The following TMEM135 variants were observed in gnomAD, a reference collection of about 807,000 sequenced individuals.
The protein encoded by TMEM135 is transmembrane protein 135, also known as peroxisomal membrane protein 52.
In TMEM135, 30 loss-of-function variants were observed where a neutral mutation model predicts 60.3. That is an observed-to-expected ratio of 0.50 (90% CI 0.37 to 0.68). TMEM135 has a LOEUF of 0.68. Ranked by LOEUF, TMEM135 falls within the 30% of genes least tolerant of loss-of-function variation. The pLI is 0.00. For missense variants in TMEM135, 468 were observed against 548.8 expected (o/e 0.85, Z 1.47); for synonymous variants, 190 against 186.7 (o/e 1.02, Z -0.14).
chr11:87,320,767 A>G (rs1184497979), intron 14 of TMEM135, among the ~76,000 whole-genome samples: 1 of 152,196 alleles, frequency 6.6e-6, no homozygotes, highest in Non-Finnish European at 1.5e-5. Flanking sequence ...ATGGTGAGAC[A>G]TTATGATGTC....
At chr11:87,053,158 C>A in intron 1 of TMEM135, among the ~76,000 whole-genome samples, 1 of 93,914 alleles carries the variant, frequency 1.1e-5, no homozygotes. Context: ...ACTCTGGGGA[C>A]TGTGGTGGGG....
rs368128077 is a variant in TMEM135 at position 87,325,020 on chromosome 11, A to G, written c.*3687A>G. 254 of 453,972 alleles carry G rather than the reference A, an allele frequency of 5.6e-4. No homozygotes were observed. The highest frequency in any genetic ancestry group is 4.9e-3 in the African/African-American group (243 of 50,080). The allele number at this position is 453,972 out of a possible 1,614,324, so 28.1% of individuals were successfully genotyped here. ...CTTCATTGTGGAGGTGATGTTTACA[A>G]TTGCCTCCAGCCCTTTACTATTGGT... On this transcript the variant is annotated 3_prime_UTR_variant, in exon 15 of 15. Coordinates refer to ENST00000305494, the MANE Select transcript of TMEM135 (RefSeq NM_022918.4).
At chr11:87,148,987 A>G (rs1026189357) in intron 4 of TMEM135, among the ~76,000 whole-genome samples, 29 of 152,048 alleles carry the variant, frequency 1.9e-4, no homozygotes, top group African/African-American at 6.8e-4. Flanking sequence ...TTTGCTTTAA[A>G]CGTTTTAAAA....
In TMEM135 at chr11:87,038,045, C is replaced by T. The variant is rs1312956657; in HGVS notation, c.-1C>T. On this transcript the variant is annotated 5_prime_UTR_variant, in exon 1 of 15. Transcript: ENST00000305494. Reference sequence around the variant, plus strand: ...CTGTCTTCTCCGCGCTGTTCCTCGTCATGGCGGCCCTCAGCAAGTCCATCC... The same window carrying T: ...CTGTCTTCTCCGCGCTGTTCCTCGTTATGGCGGCCCTCAGCAAGTCCATCC... 1.2e-6 allele frequency: 2 copies of T among 1,614,106 alleles called. No individual in the cohort carries two copies. Among genetic ancestry groups the T allele is most frequent in the Admixed American group, 1.7e-5 (1 of 60,032 alleles).
chr11:87,259,293 G>C (rs776893429), intron 6 of TMEM135: 2 of 361,006 alleles, frequency 5.5e-6, no homozygotes, highest in Non-Finnish European at 1.1e-5. Flanking sequence ...TGGAAAAAAA[G>C]GATAGGGAAA....
chr11:87,305,638 G>A (rs1003987015), intron 8 of TMEM135, among the ~76,000 whole-genome samples: 2 of 152,106 alleles, frequency 1.3e-5, no homozygotes, highest in African/African-American at 4.8e-5. Flanking sequence ...GCTGGGCGTG[G>A]TGGCAGGCGC....
At chr11:87,308,668 T>C (rs1297321926) in intron 9 of TMEM135, among the ~76,000 whole-genome samples, 1 of 152,176 alleles carries the variant, frequency 6.6e-6, no homozygotes, top group East Asian at 1.9e-4. Flanking sequence ...CAGAAAGTAC[T>C]ATTCTTTTTG....
At chr11:87,054,999 G>A (rs890796647) in intron 1 of TMEM135, among the ~76,000 whole-genome samples, 1 of 152,104 alleles carries the variant, frequency 6.6e-6, no homozygotes, top group Admixed American at 6.5e-5. Context: ...CAATGAGTAA[G>A]AAATACTGGA....
intron 5 of TMEM135, among the ~76,000 whole-genome samples, chr11:87,210,932 G>A (rs1391793826): frequency 6.6e-6 from 1 of 152,098 alleles, no homozygotes; most frequent in Non-Finnish European, 1.5e-5. Context: ...AAAGGCCTTT[G>A]ATAAAATACA....
intron 6 of TMEM135, among the ~76,000 whole-genome samples, chr11:87,289,304 A>T (rs1045653965): frequency 6.6e-6 from 1 of 152,094 alleles, no homozygotes; most frequent in Non-Finnish European, 1.5e-5. Flanking sequence ...GGGAATATTC[A>T]ATATTCTCCT....
intron 3 of TMEM135, among the ~76,000 whole-genome samples, chr11:87,079,825 CTTT>C (rs1856949050): frequency 7.0e-6 from 1 of 142,340 alleles, no homozygotes; most frequent in Admixed American, 7.4e-5. Flanking sequence ...GATCTTTTTT[CTTT>C]TTTTCTTTTC....
intron 4 of TMEM135, among the ~76,000 whole-genome samples, chr11:87,104,699 T>G (rs1020787608): frequency 6.6e-6 from 1 of 152,214 alleles, no homozygotes; most frequent in East Asian, 1.9e-4. Context: ...TGGGATTTTT[T>G]TCTTAATTTA....
intron 6 of TMEM135, among the ~76,000 whole-genome samples, chr11:87,280,806 G>A (rs1942048031): frequency 6.6e-6 from 1 of 152,138 alleles, no homozygotes; most frequent in Non-Finnish European, 1.5e-5. Flanking sequence ...ACTTAACTGT[G>A]TGAAGGAGTG....
chr11:87,065,669 A>T (rs1245268657), intron 1 of TMEM135, among the ~76,000 whole-genome samples: 1 of 152,126 alleles, frequency 6.6e-6, no homozygotes, highest in African/African-American at 2.4e-5. Flanking sequence ...TTGAATTTTG[A>T]TGAAGTTCAG....
chr11:87,155,697 T>C (rs1402501503), intron 4 of TMEM135, among the ~76,000 whole-genome samples: 1 of 152,172 alleles, frequency 6.6e-6, no homozygotes, highest in African/African-American at 2.4e-5. Context: ...AGATGGTTGG[T>C]TGGTCCAAGA....
intron 5 of TMEM135, among the ~76,000 whole-genome samples, chr11:87,162,689 A>C (rs908174419): frequency 1.3e-5 from 2 of 152,158 alleles, no homozygotes; most frequent in Non-Finnish European, 2.9e-5. Flanking sequence ...ATACGTGTAC[A>C]TGTGTCTTTA....
intron 5 of TMEM135, among the ~76,000 whole-genome samples, chr11:87,187,966 A>T (rs1405895717): frequency 2.0e-5 from 3 of 152,188 alleles, no homozygotes; most frequent in Non-Finnish European, 4.4e-5. Flanking sequence ...TGTTGTCTTT[A>T]TCTGTCTTTG....
chr11:87,138,727 A>G (rs1331012464), intron 4 of TMEM135, among the ~76,000 whole-genome samples: 1 of 152,208 alleles, frequency 6.6e-6, no homozygotes, highest in East Asian at 1.9e-4. Context: ...AGGTCTGACA[A>G]CTTTTTGCTT....
intron 4 of TMEM135, chr11:87,095,585 T>C: frequency 1.5e-5 from 3 of 205,986 alleles, no homozygotes; most frequent in Non-Finnish European, 1.0e-5. Context: ...GAATCTCAGA[T>C]GGCCTGCCTA....
Sources: allele counts gnomAD v4.1 joint callset (sites outside exome capture counted in the v4.1 genomes callset), GRCh38; gene constraint gnomAD v4.1.1; transcripts MANE v1.5; gene names NCBI Gene and HGNC (gene_info 2026-07-23, HGNC 2026-07-21).